AGBL4: variants seen among roughly 807,000 people sequenced by gnomAD.
The protein encoded by AGBL4 is cytosolic carboxypeptidase 6.
Under a neutral mutation model 66.4 loss-of-function variants are expected in AGBL4, and 58 were observed. That is an observed-to-expected ratio of 0.87 (90% confidence interval 0.71 to 1.09). The LOEUF (loss-of-function observed/expected upper bound fraction) is 1.09, where lower values mean the gene tolerates loss of function less well. Among genes scored for constraint, AGBL4 ranks in the 50% least tolerant of loss-of-function variants. The pLI, the probability that AGBL4 is intolerant of heterozygous loss-of-function variation, is 0.00. For missense variants in AGBL4, 579 were observed against 631.0 expected, an observed-to-expected ratio of 0.92 and a Z score of 0.88; for synonymous variants, 234 against 222.9, an observed-to-expected ratio of 1.05 and a Z score of -0.44.
At chr1:49,651,282 C>A (rs914711572) in intron 3 of AGBL4, among the ~76,000 whole-genome samples, 1 of 152,136 alleles carries the variant, frequency 6.6e-6, no homozygotes, top group Non-Finnish European at 1.5e-5. Context: ...CTACCCCTCT[C>A]CCCAAGACCT....
intron 4 of AGBL4, among the ~76,000 whole-genome samples, chr1:49,058,780 G>T (rs1310006142): frequency 6.6e-6 from 1 of 152,186 alleles, no homozygotes; most frequent in Non-Finnish European, 1.5e-5. Context: ...CTAGCCTGAG[G>T]TGGTCTCAGA....
chr1:48,899,567 G>T (rs1448722699), intron 5 of AGBL4, among the ~76,000 whole-genome samples: 1 of 152,136 alleles, frequency 6.6e-6, no homozygotes, highest in Non-Finnish European at 1.5e-5. Context: ...AGGTAGCTGG[G>T]TGAGTCTTTG....
At chr1:49,843,418 C>G in intron 2 of AGBL4, among the ~76,000 whole-genome samples, 1 of 152,186 alleles carries the variant, frequency 6.6e-6, no homozygotes, top group East Asian at 1.9e-4. Context: ...AGATTACAGG[C>G]ATGAGGCCCT....
intron 6 of AGBL4, among the ~76,000 whole-genome samples, chr1:48,786,077 G>A (rs1645401162): frequency 6.6e-6 from 1 of 151,586 alleles, no homozygotes; most frequent in Admixed American, 6.6e-5. Context: ...GAGAACATTC[G>A]TTCAGAAGGT....
chr1:49,845,680 G>T, intron 2 of AGBL4: 1 of 1,604,294 alleles, frequency 6.2e-7, no homozygotes, highest in Non-Finnish European at 8.5e-7. Context: ...CAGTGAGTCT[G>T]GGAAAGCCTT....
In AGBL4 at chr1:49,776,408, AG is replaced by A. The variant is rs1644198397; in HGVS notation, c.157+74987del. ...ATCTCCATCCTCTGTAGAACACTCTAGTGATTTCCTTCTTAAGATAAAATCC... is the reference window on the plus strand; with the variant it reads ...ATCTCCATCCTCTGTAGAACACTCTATGATTTCCTTCTTAAGATAAAATCC... On this transcript the variant is annotated intron_variant, in intron 2 of 13. Coordinates refer to ENST00000371839, the MANE Select transcript of AGBL4 (RefSeq NM_032785.4). 2.6e-5 allele frequency among the ~76,000 whole-genome samples: 4 copies of A among 152,232 alleles called. No homozygotes were observed. In the South Asian group the frequency reaches 6.2e-4, roughly 24 times the overall value.
chr1:48,572,238 C>A (rs1411471337), intron 11 of AGBL4, among the ~76,000 whole-genome samples: 1 of 152,144 alleles, frequency 6.6e-6, no homozygotes, highest in Non-Finnish European at 1.5e-5. Context: ...CAATCCTCAA[C>A]ATCAGTTAAG....
intron 3 of AGBL4, among the ~76,000 whole-genome samples, chr1:49,557,300 G>A (rs1020507628): frequency 6.6e-6 from 1 of 152,136 alleles, no homozygotes; most frequent in Non-Finnish European, 1.5e-5. Flanking sequence ...TACAAAAAAA[G>A]ACACATTCAT....
chr1:49,313,243 A>G (rs931142051), intron 3 of AGBL4, among the ~76,000 whole-genome samples: 1 of 152,124 alleles, frequency 6.6e-6, no homozygotes, highest in African/African-American at 2.4e-5. Flanking sequence ...CATGGTGTAT[A>G]TGTGCCACAT....
At chr1:49,237,267 A>T (rs1398366822) in intron 4 of AGBL4, among the ~76,000 whole-genome samples, 1 of 151,084 alleles carries the variant, frequency 6.6e-6, no homozygotes. Context: ...CGTCTAAAAA[A>T]AACTAAAAAA....
chr1:49,542,896 C>CAA (rs35734647), intron 3 of AGBL4, among the ~76,000 whole-genome samples: 980 of 22,892 alleles, frequency 0.043, 155 homozygotes, highest in African/African-American at 0.068. Flanking sequence ...AAGACTCCAT[C>CAA]AAAAAAAAAA....
At chr1:49,153,563 C>T (rs978398671) in intron 4 of AGBL4, among the ~76,000 whole-genome samples, 1 of 151,996 alleles carries the variant, frequency 6.6e-6, no homozygotes. Context: ...GAGTAAGTAG[C>T]CCTTCCATCA....
At chr1:48,912,302 C>G (rs1653197139) in intron 5 of AGBL4, among the ~76,000 whole-genome samples, 1 of 152,208 alleles carries the variant, frequency 6.6e-6, no homozygotes, top group South Asian at 2.1e-4. Flanking sequence ...TGTTGCTTAT[C>G]TATGACAAAC....
intron 5 of AGBL4, among the ~76,000 whole-genome samples, chr1:48,966,712 T>A (rs1388578865): frequency 6.6e-6 from 1 of 152,128 alleles, no homozygotes; most frequent in African/African-American, 2.4e-5. Context: ...GGGCAAAGCC[T>A]GTAAGAGACT....
chr1:50,005,163 T>C (rs1160506931), intron 1 of AGBL4, among the ~76,000 whole-genome samples: 2 of 152,068 alleles, frequency 1.3e-5, no homozygotes, highest in Non-Finnish European at 2.9e-5. Context: ...AGCCAGGTAG[T>C]GGTTATCGCA....
intron 9 of AGBL4, among the ~76,000 whole-genome samples, chr1:48,623,514 C>A (rs1360717216): frequency 2.0e-5 from 3 of 152,224 alleles, no homozygotes; most frequent in Non-Finnish European, 4.4e-5. Context: ...CAGCTGTTTC[C>A]ACCACAGTAA....
intron 3 of AGBL4, among the ~76,000 whole-genome samples, chr1:49,408,176 C>T (rs1645243850): frequency 6.6e-6 from 1 of 152,140 alleles, no homozygotes; most frequent in African/African-American, 2.4e-5. Context: ...GTCCTAGACC[C>T]CAGAGACTCT....
intron 3 of AGBL4, among the ~76,000 whole-genome samples, chr1:49,274,625 T>A (rs1482389729): frequency 6.6e-6 from 1 of 152,150 alleles, no homozygotes; most frequent in African/African-American, 2.4e-5. Flanking sequence ...TCAGATACAG[T>A]ACAAAATTTG....
In AGBL4 at chr1:48,755,674, C is replaced by T. The variant is rs552369533; in HGVS notation, c.635-92433G>A. Among the ~76,000 whole-genome samples, 5 of 152,278 alleles carry T rather than the reference C, an allele frequency of 3.3e-5. No individual in the cohort carries two copies. In the East Asian group the frequency reaches 9.7e-4, roughly 29 times the overall value. The stretch of plus-strand genomic sequence containing the variant: ...GGTGTTTATAGATCAGGATCTGTTA[C>T]AGCAAGGGGATATCTTACCAGACTT... On this transcript the variant is annotated intron_variant, in intron 6 of 13. Coordinates refer to ENST00000371839, the MANE Select transcript of AGBL4 (RefSeq NM_032785.4).
Sources: gnomAD v4.1 joint callset for allele counts (sites outside exome capture counted in the v4.1 genomes callset) on GRCh38, gnomAD v4.1.1 for gene constraint, MANE v1.5 for transcripts, NCBI Gene and HGNC (gene_info 2026-07-23, HGNC 2026-07-21) for gene names.